The following ZYG11A variants were observed in gnomAD, a reference collection of about 807,000 sequenced individuals.
The protein encoded by ZYG11A is protein zyg-11 homolog A.
Under a neutral mutation model 77.2 loss-of-function variants are expected in ZYG11A, and 62 were observed. The ratio of observed to expected loss-of-function variants is 0.80; its 90% confidence interval spans 0.65 to 0.99. The LOEUF is 0.99. Ranked by LOEUF, ZYG11A falls within the 50% of genes least tolerant of loss-of-function variation. The pLI is 0.00. For missense variants in ZYG11A, 828 were observed against 896.8 expected (o/e 0.92, Z 0.98); for synonymous variants, 315 against 324.6 (o/e 0.97, Z 0.32).
chr1:52,843,286 G>A (rs533086224), intron 1 of ZYG11A, among the ~76,000 whole-genome samples: 18 of 152,196 alleles, frequency 1.2e-4, no homozygotes, highest in Non-Finnish European at 2.6e-4. Context: ...AGGATTCCTC[G>A]CCCCAGTGCG....
intron 8 of ZYG11A, among the ~76,000 whole-genome samples, chr1:52,871,217 T>C (rs1222454592): frequency 1.3e-5 from 2 of 152,172 alleles, no homozygotes; most frequent in Non-Finnish European, 2.9e-5. Context: ...TCATGGTTCA[T>C]TGCAGCTTCA....
intron 12 of ZYG11A, among the ~76,000 whole-genome samples, 175 bp from the exon 13 acceptor site, chr1:52,886,781 A>C (rs1646460383): frequency 7.3e-6 from 1 of 136,612 alleles, no homozygotes; most frequent in Non-Finnish European, 1.5e-5. Flanking sequence ...TCCTAAGCTC[A>C]AGCAATCCAC....
At chr1:52,872,300 C>T (rs536282102) in intron 8 of ZYG11A, among the ~76,000 whole-genome samples, 5 of 152,168 alleles carry the variant, frequency 3.3e-5, no homozygotes, top group African/African-American at 7.2e-5. Flanking sequence ...GATGAGGTTT[C>T]GCCATGTTGG....
chr1:52,891,999 C>T (rs1646551279), intron 13 of ZYG11A, among the ~76,000 whole-genome samples: 1 of 151,316 alleles, frequency 6.6e-6, no homozygotes, highest in Non-Finnish European at 1.5e-5. Context: ...CCCAGGTTCA[C>T]GCCATTCTCC....
At chr1:52,889,025 T>C (rs1646492940) in intron 13 of ZYG11A, among the ~76,000 whole-genome samples, 1 of 152,342 alleles carries the variant, frequency 6.6e-6, no homozygotes, top group African/African-American at 2.4e-5. Flanking sequence ...TGAGTACTTA[T>C]TATGTGCCAG....
chr1:52,842,816 G>T lies in ZYG11A; in HGVS notation c.-68G>T. 4.1e-6 allele frequency: 6 copies of T among 1,452,792 alleles called. No individual in the cohort carries two copies. Among genetic ancestry groups the T allele is most frequent in the Non-Finnish European group, 5.6e-6 (6 of 1,077,378 alleles). The allele number at this position is 1,452,792 out of a possible 1,614,324, so 90.0% of individuals were successfully genotyped here. ...GCGCGTCCTGGCAGCCGCCCGCTTG[G>T]TTCTCGCGGGATCCGGGCTCCGGCT... On this transcript the variant is annotated 5_prime_UTR_variant, in exon 1 of 14. Coordinates refer to ENST00000371528, the MANE Select transcript of ZYG11A (RefSeq NM_001004339.3).
At position 52,881,495 on chromosome 1, in the gene ZYG11A, C is replaced by G; in HGVS notation, c.1774C>G (p.Leu592Val). The G allele has an allele frequency of 2.6e-6, 4 of 1,550,944 alleles. No homozygotes were observed. Among genetic ancestry groups the G allele is most frequent in the South Asian group, 2.4e-5 (2 of 83,884 alleles). ...GAACAACATAGCAGAAGTCAGAGAG[C>G]TCTCTTCCAAGCTGGTGACCGAAGA... The part of the protein sequence containing the change: ...LLNNIAEVRE[L>V]SSKLVTEDVL... The change falls in exon 11 of 14, where the codon CTC (leucine) becomes GTC (valine). Residue 592 changes from leucine (L) to valine (V), a missense_variant. Transcript: ENST00000371528.
intron 3 of ZYG11A, among the ~76,000 whole-genome samples, chr1:52,859,058 T>TTAAG (rs1645872404): frequency 6.7e-6 from 1 of 148,428 alleles, no homozygotes. Context: ...TTGTTGTATT[T>TTAAG]TAATTAATTA....
intron 10 of ZYG11A, among the ~76,000 whole-genome samples, chr1:52,879,172 ATAAG>A (rs1646318377): frequency 6.6e-6 from 1 of 152,208 alleles, no homozygotes; most frequent in African/African-American, 2.4e-5. Flanking sequence ...AGATTTTTCA[ATAAG>A]TAATAAAGAC....
chr1:52,874,200 G>C (rs1646221016), intron 8 of ZYG11A, among the ~76,000 whole-genome samples: 1 of 151,426 alleles, frequency 6.6e-6, no homozygotes, highest in South Asian at 2.1e-4. Context: ...ACCACTTGCT[G>C]AAGGCTCAGG....
chr1:52,888,019 G>T (rs1420183374), intron 13 of ZYG11A, among the ~76,000 whole-genome samples: 1 of 152,136 alleles, frequency 6.6e-6, no homozygotes, highest in Non-Finnish European at 1.5e-5. Context: ...TAAAGCAAGT[G>T]TATAAAAACC....
At chr1:52,846,303 T>G (rs1354750451) in intron 1 of ZYG11A, among the ~76,000 whole-genome samples, 1 of 52,366 alleles carries the variant, frequency 1.9e-5, no homozygotes. Context: ...CATGGCTTTT[T>G]AAATTTTTAT....
intron 13 of ZYG11A, 127 bp downstream of exon 13, chr1:52,887,180 G>T (rs75924400): frequency 6.6e-4 from 270 of 407,122 alleles, no homozygotes; most frequent in Non-Finnish European, 9.4e-4. Context: ...TGTTTAAAAA[G>T]AAACTGAAAA....
chr1:52,867,959 T>TG, intron 8 of ZYG11A, among the ~76,000 whole-genome samples, 182 bp downstream of exon 8: 1 of 101,892 alleles, frequency 9.8e-6, no homozygotes. Context: ...TCCACATTTC[T>TG]TTTTTTTTTT....
chr1:52,866,401 C>A, intron 5 of ZYG11A, 102 bp from the exon 6 acceptor site: 1 of 600,976 alleles, frequency 1.7e-6, no homozygotes, highest in Non-Finnish European at 2.9e-6. Context: ...AATGAGCTCT[C>A]AATAAGAAAA....
At chr1:52,858,695 C>T (rs913197574) in intron 3 of ZYG11A, among the ~76,000 whole-genome samples, 1 of 150,166 alleles carries the variant, frequency 6.7e-6, no homozygotes, top group East Asian at 2.0e-4. Flanking sequence ...TCACTGCAAC[C>T]TTCGCCTCCC....
chr1:52,847,032 G>C (rs1313131898), intron 1 of ZYG11A, among the ~76,000 whole-genome samples: 1 of 151,878 alleles, frequency 6.6e-6, no homozygotes, highest in East Asian at 1.9e-4. Flanking sequence ...ATTTTTAGTA[G>C]AGACGGGGTT....
At chr1:52,850,428 C>T (rs191000355) in intron 1 of ZYG11A, among the ~76,000 whole-genome samples, 2 of 151,722 alleles carry the variant, frequency 1.3e-5, no homozygotes, top group East Asian at 1.9e-4. Flanking sequence ...AAGCTATTGT[C>T]CTGCCTCAGC....
At position 52,857,427 on chromosome 1, in the gene ZYG11A, G is replaced by C; in HGVS notation, c.686G>C (p.Arg229Pro). 6.4e-7 allele frequency: 1 copy of C among 1,551,962 alleles called. No homozygotes were observed. Among genetic ancestry groups the C allele is most frequent in the Non-Finnish European group, 8.7e-7 (1 of 1,147,042 alleles). The change falls in exon 3 of 14, where the codon CGA becomes CCA. Residue 229 changes from arginine (R) to proline (P), a missense_variant. Transcript: ENST00000371528. ...DISALLTCKD[R>P]LKSLTMHYLK... Reference sequence around the variant, plus strand: ...TCTGCACTGCTTACCTGTAAGGATCGATTGAAGTCTCTCACAATGCACTAT... The same window carrying C: ...TCTGCACTGCTTACCTGTAAGGATCCATTGAAGTCTCTCACAATGCACTAT...
Sources: allele counts gnomAD v4.1 joint callset (sites outside exome capture counted in the v4.1 genomes callset), GRCh38; gene constraint gnomAD v4.1.1; transcripts MANE v1.5; gene names NCBI Gene and HGNC (gene_info 2026-07-23, HGNC 2026-07-21).